The following ABTB2 variants were observed in gnomAD, a reference collection of about 807,000 sequenced individuals.
ABTB2 encodes ankyrin repeat and BTB domain containing 2.
ABTB2 carries 56 observed loss-of-function variants against 104.1 expected under a neutral mutation model. The ratio of observed to expected loss-of-function variants is 0.54; its 90% CI spans 0.43 to 0.67. The LOEUF is 0.67. Ranked by LOEUF, ABTB2 falls within the 30% of genes least tolerant of loss-of-function variation. ABTB2 has a pLI of 0.00. For missense variants in ABTB2, 1,279 were observed against 1,407.7 expected (o/e 0.91, Z 1.46); for synonymous variants, 606 against 608.2 (o/e 1.00, Z 0.05).
chr11:34,232,536 C>T (rs1853784864), intron 1 of ABTB2, among the ~76,000 whole-genome samples: 1 of 151,992 alleles, frequency 6.6e-6, no homozygotes, highest in African/African-American at 2.4e-5. Flanking sequence ...CGAGGCCTAA[C>T]CTAATCCCCA....
intron 1 of ABTB2, among the ~76,000 whole-genome samples, chr11:34,260,088 C>A (rs1854171005): frequency 6.6e-6 from 1 of 152,162 alleles, no homozygotes; most frequent in Non-Finnish European, 1.5e-5. Context: ...GGATTATAGG[C>A]ATGAGCCATT....
At chr11:34,319,851 T>C (rs1360941054) in intron 1 of ABTB2, among the ~76,000 whole-genome samples, 2 of 152,080 alleles carry the variant, frequency 1.3e-5, no homozygotes, top group African/African-American at 2.4e-5. Context: ...GTATTTTTAA[T>C]AGAGATGGGT....
At chr11:34,173,427 T>TG (rs1321668501) in intron 3 of ABTB2, 120 bp from the exon 4 acceptor site, 3 of 1,240,392 alleles carry the variant, frequency 2.4e-6, no homozygotes, top group Middle Eastern at 5.7e-4. Flanking sequence ...AGTCCTAGGG[T>TG]GGGGGGCTCC....
Position 34,197,420 on chromosome 11 carries a change from G to A in ABTB2, c.1149C>T (p.Ala383=). ...PPQPITWSPD[A]LHTLYYFLRC... ...GCAGAAAGTAGTAGAGCGTGTGGAG[G>A]GCGTCGGGGGACCAAGTGATGGGCT... The change falls in exon 3 of 17, where the codon GCC becomes GCT. Residue 383 remains alanine, a synonymous_variant. Coordinates refer to ENST00000435224, the MANE Select transcript of ABTB2 (RefSeq NM_145804.3). 1 of 1,608,654 alleles carries A rather than the reference G, an allele frequency of 6.2e-7. No individual in the cohort carries two copies. The highest frequency in any genetic ancestry group is 1.1e-5 in the South Asian group (1 of 90,922).
At chr11:34,256,306 C>T (rs1447070055) in intron 1 of ABTB2, among the ~76,000 whole-genome samples, 1 of 152,112 alleles carries the variant, frequency 6.6e-6, no homozygotes, top group Admixed American at 6.5e-5. Flanking sequence ...TCTTTCTCCC[C>T]CCTCCCTTCT....
intron 1 of ABTB2, among the ~76,000 whole-genome samples, chr11:34,227,204 G>C (rs752944940): frequency 1.7e-4 from 26 of 151,748 alleles, no homozygotes; most frequent in Non-Finnish European, 2.8e-4. Flanking sequence ...AACCCAGGAG[G>C]CGTAGGTTGC....
Position 34,234,402 on chromosome 11 carries a change from G to T in ABTB2, c.884-29712C>A, listed in dbSNP as rs1244542475. On this transcript the variant is annotated intron_variant, in intron 1 of 16. Coordinates refer to ENST00000435224, the MANE Select transcript of ABTB2 (RefSeq NM_145804.3). ...CTGTAACCGGAATATCAGAGACACA[G>T]TAAATTACCTGGGATTTCCCCATCA... is the stretch of plus-strand genomic sequence containing the variant. Among the ~76,000 whole-genome samples, 110 of 152,184 alleles carry T rather than the reference G, an allele frequency of 7.2e-4. 1 individual carries two copies. The highest frequency in any genetic ancestry group is 7.1e-3 in the Admixed American group (109 of 15,282).
intron 1 of ABTB2, among the ~76,000 whole-genome samples, chr11:34,321,008 C>A (rs1335711987): frequency 1.3e-5 from 2 of 152,112 alleles, no homozygotes; most frequent in African/African-American, 4.8e-5. Flanking sequence ...CATGGAGAAA[C>A]CCTGTCTCTA....
intron 1 of ABTB2, among the ~76,000 whole-genome samples, chr11:34,223,016 C>A (rs1296382672): frequency 6.6e-6 from 1 of 152,156 alleles, no homozygotes; most frequent in African/African-American, 2.4e-5. Context: ...TGTATTTAAA[C>A]TGAAACTTTG....
chr11:34,272,737 C>CAAAAAAA, intron 1 of ABTB2, among the ~76,000 whole-genome samples: 6 of 138,238 alleles, frequency 4.3e-5, no homozygotes, highest in African/African-American at 8.3e-5. Flanking sequence ...AAAAACCAAC[C>CAAAAAAA]AACCATACAC....
intron 1 of ABTB2, among the ~76,000 whole-genome samples, chr11:34,253,960 T>C (rs2133070424): frequency 6.6e-6 from 1 of 152,282 alleles, no homozygotes; most frequent in African/African-American, 2.4e-5. Context: ...TCTCCCCAGG[T>C]GGACCGTGAG....
At chr11:34,163,745 T>C (rs944645894) in intron 9 of ABTB2, among the ~76,000 whole-genome samples, 1 of 152,220 alleles carries the variant, frequency 6.6e-6, no homozygotes, top group African/African-American at 2.4e-5. Context: ...TTCAGGCAGT[T>C]TACAGAGCAC....
intron 1 of ABTB2, among the ~76,000 whole-genome samples, chr11:34,337,351 T>C (rs965882712): frequency 7.9e-5 from 12 of 152,172 alleles, no homozygotes; most frequent in Non-Finnish European, 4.4e-5. Flanking sequence ...GACTGGCTGC[T>C]GGTCTCAGCC....
At chr11:34,331,177 C>T (rs979928791) in intron 1 of ABTB2, among the ~76,000 whole-genome samples, 1 of 152,174 alleles carries the variant, frequency 6.6e-6, no homozygotes, top group Admixed American at 6.5e-5. Flanking sequence ...TAAAGTCCTC[C>T]TGATTGAAGG....
chr11:34,213,754 C>T (rs1329141280), intron 1 of ABTB2, among the ~76,000 whole-genome samples: 1 of 152,118 alleles, frequency 6.6e-6, no homozygotes, highest in Non-Finnish European at 1.5e-5. Flanking sequence ...CCAGTGTAAC[C>T]AAGCAGATCA....
chr11:34,214,177 A>ACACACAC (rs1469003830), intron 1 of ABTB2, among the ~76,000 whole-genome samples: 10 of 57,570 alleles, frequency 1.7e-4, no homozygotes, highest in Non-Finnish European at 3.5e-4. Flanking sequence ...CACACACACA[A>ACACACAC]AGTAAATGGA....
intron 5 of ABTB2, among the ~76,000 whole-genome samples, chr11:34,168,649 C>CG (rs776199007): frequency 6.6e-6 from 1 of 152,218 alleles, no homozygotes; most frequent in Non-Finnish European, 1.5e-5. Flanking sequence ...AGGTTGAACT[C>CG]GGGGCAGGAA....
intron 1 of ABTB2, among the ~76,000 whole-genome samples, chr11:34,349,423 C>T (rs1383613238): frequency 1.3e-5 from 2 of 152,174 alleles, no homozygotes; most frequent in Admixed American, 6.5e-5. Flanking sequence ...TTCCTCCTAC[C>T]TCCACAAACA....
At chr11:34,337,390 G>A (rs186292901) in intron 1 of ABTB2, among the ~76,000 whole-genome samples, 5 of 152,348 alleles carry the variant, frequency 3.3e-5, no homozygotes, top group Admixed American at 1.3e-4. Flanking sequence ...CTCAAAGCCA[G>A]GACTGGAAAG....
Sources: gnomAD v4.1 joint callset for allele counts (sites outside exome capture counted in the v4.1 genomes callset) on GRCh38, gnomAD v4.1.1 for gene constraint, MANE v1.5 for transcripts, NCBI Gene and HGNC (gene_info 2026-07-23, HGNC 2026-07-21) for gene names.